TMEM131: variants seen among roughly 807,000 people sequenced by gnomAD.
The protein encoded by TMEM131 is 2610524E03Rik.
Under a neutral mutation model 211.6 loss-of-function variants are expected in TMEM131, and 66 were observed. That is an observed-to-expected ratio of 0.31 (90% CI 0.26 to 0.38). The LOEUF (loss-of-function observed/expected upper bound fraction) is 0.38. Among genes scored for constraint, TMEM131 ranks in the 10% least tolerant of loss-of-function variants. The probability of loss-of-function intolerance (pLI) is 1.00; values close to 1 mark genes in which losing one functional copy is unlikely to be tolerated. For missense variants in TMEM131, 2,036 were observed against 2,299.3 expected, an observed-to-expected ratio of 0.89 and a Z score of 2.34; for synonymous variants, 844 against 841.3, an observed-to-expected ratio of 1.00 and a Z score of -0.06.
intron 1 of TMEM131, among the ~76,000 whole-genome samples, chr2:97,933,541 G>A (rs1219174367): frequency 5.9e-5 from 9 of 152,032 alleles, no homozygotes; most frequent in Non-Finnish European, 7.4e-5. Flanking sequence ...GGTGGTGTTT[G>A]TATAACATTG....
In TMEM131 at chr2:97,775,970, T is replaced by C; in HGVS notation, c.4193A>G (p.Glu1398Gly). 1.2e-6 allele frequency: 2 copies of C among 1,614,038 alleles called. No homozygotes were observed. Among genetic ancestry groups the C allele is most frequent in the Non-Finnish European group, 1.7e-6 (2 of 1,179,890 alleles). Residue 1398 changes from glutamate (E) to glycine (G), a missense_variant, in exon 32 of 41, where the codon GAG becomes GGG. Glu to Gly is a moderately conservative substitution (Grantham distance 98). This residue lies in a region of TMEM131 where 1,623 missense variants were observed against 1,805.9 expected (regional missense o/e 0.90). Coordinates refer to ENST00000186436, the MANE Select transcript of TMEM131 (RefSeq NM_015348.2). The stretch of plus-strand genomic sequence containing the variant: ...TCCCTTTCCCTTCTTCTCCTTTTCC[T>C]CTTGCTTCTTAGGTGGTTTCACCTT... ...QRKVKPPKKQ[E>G]EKEKKGKGKP...
At chr2:97,911,544 T>G (rs554731115) in intron 2 of TMEM131, 1 of 744,234 alleles carries the variant, frequency 1.3e-6, no homozygotes, top group South Asian at 6.1e-5. Flanking sequence ...GTATCACTCA[T>G]GTGCACTTTC....
intron 1 of TMEM131, among the ~76,000 whole-genome samples, chr2:97,934,045 A>C (rs1460830615): frequency 6.6e-6 from 1 of 152,142 alleles, no homozygotes; most frequent in African/African-American, 2.4e-5. Context: ...AAGGAAAAAA[A>C]AAAGACGAAC....
At chr2:97,964,918 T>C (rs1201375243) in intron 1 of TMEM131, among the ~76,000 whole-genome samples, 1 of 152,230 alleles carries the variant, frequency 6.6e-6, no homozygotes, top group Non-Finnish European at 1.5e-5. Context: ...TACAATTCTT[T>C]TTTGTGGGAA....
intron 17 of TMEM131, 150 bp downstream of exon 17, chr2:97,812,271 C>T (rs1681581629): frequency 1.2e-6 from 1 of 814,182 alleles, no homozygotes; most frequent in African/African-American, 1.8e-5. Flanking sequence ...GGTTGAATTA[C>T]ATTACCTATA....
intron 1 of TMEM131, among the ~76,000 whole-genome samples, chr2:97,969,455 G>A (rs781045999): frequency 2.0e-5 from 3 of 152,122 alleles, no homozygotes; most frequent in Non-Finnish European, 4.4e-5. Context: ...CTCTCTGGCT[G>A]CAGACACCTA....
intron 1 of TMEM131, among the ~76,000 whole-genome samples, 187 bp downstream of exon 1, chr2:97,995,289 G>A (rs1446669472): frequency 6.6e-6 from 1 of 152,234 alleles, no homozygotes; most frequent in East Asian, 1.9e-4. Flanking sequence ...GGCACGGGAA[G>A]GAATCACGGA....
Position 97,796,288 on chromosome 2 carries a change from A to G in TMEM131, c.3130T>C (p.Tyr1044His). The G allele has an allele frequency of 6.4e-7, 1 of 1,572,526 alleles. No homozygotes were observed. Among genetic ancestry groups the G allele is most frequent in the Non-Finnish European group, 8.6e-7 (1 of 1,157,962 alleles). Reference sequence around the variant, plus strand: ...TGACAATTAACAACTTTAAAGCCATATCCTTCACATGAGTATCCACTGATT... The same window carrying G: ...TGACAATTAACAACTTTAAAGCCATGTCCTTCACATGAGTATCCACTGATT... ...IEISGYSCEG[Y>H]GFKVVNCQEF... is the part of the protein sequence containing the mutation. The change falls in exon 28 of 41, where the codon TAT (tyrosine) becomes CAT (histidine). Residue 1044 changes from tyrosine to histidine, a missense_variant. By Grantham distance (83) the Tyr-to-His change is moderately conservative. Coordinates refer to ENST00000186436, the MANE Select transcript of TMEM131 (RefSeq NM_015348.2).
At chr2:97,794,832 A>AT (rs1491329995) in intron 29 of TMEM131, 98 bp downstream of exon 29, 5 of 1,006,766 alleles carry the variant, frequency 5.0e-6, no homozygotes, top group Admixed American at 6.0e-5. Flanking sequence ...GTTTGCTGGC[A>AT]TATCCTAGCA....
chr2:97,936,225 G>C (rs538368143), intron 1 of TMEM131, among the ~76,000 whole-genome samples: 246 of 152,338 alleles, frequency 1.6e-3, no homozygotes, highest in Non-Finnish European at 2.6e-3. Context: ...CAAACAATAA[G>C]CAGACCCAAA....
intron 40 of TMEM131, 55 bp from the exon 41 acceptor site, chr2:97,757,438 G>T: frequency 6.6e-7 from 1 of 1,516,796 alleles, no homozygotes. Flanking sequence ...AGGGTCAAGT[G>T]GGTAAGGGGG....
At chr2:97,829,104 T>C (rs1682532981) in intron 11 of TMEM131, among the ~76,000 whole-genome samples, 1 of 152,208 alleles carries the variant, frequency 6.6e-6, no homozygotes, top group Admixed American at 6.5e-5. Context: ...CCTTATCCAG[T>C]AGGAAGTAGC....
chr2:97,872,601 C>T (rs555800630), intron 4 of TMEM131, among the ~76,000 whole-genome samples: 76 of 152,222 alleles, frequency 5.0e-4, no homozygotes, highest in African/African-American at 1.5e-3. Flanking sequence ...GAGGGCGAGC[C>T]GAAGCAGGGT....
rs74605486 is a variant in TMEM131, at chr2:97,866,932, T to C, written c.360-7505A>G. On this transcript the variant is annotated intron_variant, in intron 4 of 40. Transcript: ENST00000186436. ...GAAATATCTGCATTACACTTATCAG[T>C]TAAGCAACCCTAATCTGAGAATCTG... 5.0e-4 allele frequency among the ~76,000 whole-genome samples: 76 copies of C among 152,358 alleles called. 1 individual carries two copies. Among genetic ancestry groups the C allele is most frequent in the African/African-American group, 1.7e-3 (72 of 41,590 alleles).
chr2:97,793,750 T>A (rs969691576), intron 29 of TMEM131, among the ~76,000 whole-genome samples, 197 bp from the exon 30 acceptor site: 2 of 151,884 alleles, frequency 1.3e-5, no homozygotes, highest in African/African-American at 4.8e-5. Flanking sequence ...ATCCCAGCAC[T>A]TTGGGAGGCC....
chr2:97,805,841 C>G, intron 19 of TMEM131, 138 bp from the exon 20 acceptor site: 1 of 820,750 alleles, frequency 1.2e-6, no homozygotes, highest in Non-Finnish European at 1.7e-6. Context: ...AATTGATAAT[C>G]TTTAAATTGT....
intron 1 of TMEM131, among the ~76,000 whole-genome samples, chr2:97,979,111 C>T (rs1317106642): frequency 1.3e-5 from 2 of 152,108 alleles, no homozygotes; most frequent in African/African-American, 2.4e-5. Flanking sequence ...ATATTTTTTC[C>T]GAGCAGTAGG....
At chr2:97,778,801 C>A (rs959648473) in intron 31 of TMEM131, among the ~76,000 whole-genome samples, 2 of 152,128 alleles carry the variant, frequency 1.3e-5, no homozygotes, top group African/African-American at 4.8e-5. Context: ...CCATGAACCC[C>A]TTCTTCTGAC....
chr2:97,909,615 T>A (rs1423370492), intron 2 of TMEM131, among the ~76,000 whole-genome samples: 1 of 152,190 alleles, frequency 6.6e-6, no homozygotes, highest in Non-Finnish European at 1.5e-5. Context: ...TACATCAAAA[T>A]GAGAAAAAAC....
Sources: allele counts gnomAD v4.1 joint callset (sites outside exome capture counted in the v4.1 genomes callset), GRCh38; gene constraint gnomAD v4.1.1; regional missense constraint gnomAD v4.1.1; transcripts MANE v1.5; gene names NCBI Gene and HGNC (gene_info 2026-07-23, HGNC 2026-07-21).